Variants in ANO6 observed in about 807,000 individuals in gnomAD.
ANO6 encodes the protein anoctamin 6.
In ANO6, 106 loss-of-function variants were observed where a neutral mutation model predicts 117.5. The ratio of observed to expected loss-of-function variants is 0.90; its 90% CI spans 0.77 to 1.06. ANO6 has a LOEUF of 1.06. ANO6 is among the 50% of genes least tolerant of loss of function. ANO6 has a pLI of 0.00. For missense variants in ANO6, 955 were observed against 1,121.1 expected, an observed-to-expected ratio of 0.85 and a Z score of 2.12; for synonymous variants, 367 against 385.1, an observed-to-expected ratio of 0.95 and a Z score of 0.55.
chr12:45,326,333 T>C (rs1040389842), intron 2 of ANO6, among the ~76,000 whole-genome samples: 3 of 152,226 alleles, frequency 2.0e-5, no homozygotes, highest in Admixed American at 2.0e-4. Flanking sequence ...CATTTACTTA[T>C]ATAAAACACA....
intron 2 of ANO6, among the ~76,000 whole-genome samples, chr12:45,319,575 C>G (rs185629846): frequency 7.2e-5 from 11 of 152,076 alleles, no homozygotes; most frequent in Admixed American, 7.2e-4. Flanking sequence ...GTCTAAAATT[C>G]TTTTTTTGTT....
intron 3 of ANO6, among the ~76,000 whole-genome samples, chr12:45,342,346 G>A (rs1941002968): frequency 6.6e-6 from 1 of 152,198 alleles, no homozygotes. Flanking sequence ...GAAATATTTT[G>A]TGTTTGGTAT....
chr12:45,272,198 TTTC>T (rs1938413905), intron 1 of ANO6, among the ~76,000 whole-genome samples: 2 of 151,898 alleles, frequency 1.3e-5, no homozygotes, highest in African/African-American at 4.8e-5. Flanking sequence ...TTTTTTTTCT[TTTC>T]TTTTTTTTTT....
chr12:45,284,020 C>T (rs891201963), intron 1 of ANO6, among the ~76,000 whole-genome samples: 8 of 152,140 alleles, frequency 5.3e-5, no homozygotes, highest in African/African-American at 1.9e-4. Flanking sequence ...AAAAGGCATA[C>T]AAATTTATTT....
At chr12:45,228,391 A>G (rs1012325410) in intron 1 of ANO6, 2 of 229,430 alleles carry the variant, frequency 8.7e-6, no homozygotes, top group Admixed American at 1.2e-4. Flanking sequence ...CTCCCGCCTC[A>G]GCCTCTCAAA....
intron 18 of ANO6, among the ~76,000 whole-genome samples, chr12:45,421,635 T>A (rs1943368393): frequency 6.6e-6 from 1 of 152,146 alleles, no homozygotes; most frequent in African/African-American, 2.4e-5. Context: ...ATAGAGAAAC[T>A]TCAAGAGGTC....
chr12:45,225,912 T>C (rs1274059143), intron 1 of ANO6, among the ~76,000 whole-genome samples: 1 of 152,238 alleles, frequency 6.6e-6, no homozygotes, highest in East Asian at 1.9e-4. Context: ...GCCAACGAAA[T>C]GTACTACTCA....
chr12:45,386,205 A>G (rs1353624178), intron 10 of ANO6, among the ~76,000 whole-genome samples: 1 of 152,138 alleles, frequency 6.6e-6, no homozygotes, highest in Non-Finnish European at 1.5e-5. Context: ...CCAGGGTGTG[A>G]TTACTACCCT....
At chr12:45,348,456 CAA>C in intron 5 of ANO6, 60 bp from the exon 6 acceptor site, 1 of 1,544,602 alleles carries the variant, frequency 6.5e-7, no homozygotes, top group East Asian at 2.3e-5. Context: ...CAGTAGTAAA[CAA>C]TGATTGGATT....
intron 12 of ANO6, among the ~76,000 whole-genome samples, chr12:45,395,686 C>A (rs1018858315): frequency 4.6e-5 from 7 of 152,176 alleles, no homozygotes; most frequent in Non-Finnish European, 8.8e-5. Flanking sequence ...GCTGGTTCAA[C>A]ATATGCAAAT....
Position 45,348,267 on chromosome 12 carries a change from C to T in ANO6, c.585C>T (p.Tyr195=). ...PFEKNRMNDF[Y]IVDRDAFFNP... Reference sequence around the variant, plus strand: ...AGAAGAACCGGATGAATGATTTTTACATAGTTGATAGAGATGCTTTCTTCA... The same window carrying T: ...AGAAGAACCGGATGAATGATTTTTATATAGTTGATAGAGATGCTTTCTTCA... The change falls in exon 5 of 20, where the codon TAC becomes TAT. Residue 195 remains tyrosine, a synonymous_variant. Transcript: ENST00000320560. The T allele has an allele frequency of 6.2e-7, 1 of 1,614,054 alleles. No homozygotes were observed. The highest frequency in any genetic ancestry group is 8.5e-7 in the Non-Finnish European group (1 of 1,179,976).
intron 1 of ANO6, among the ~76,000 whole-genome samples, chr12:45,245,058 G>T (rs1947804056): frequency 6.6e-6 from 1 of 152,114 alleles, no homozygotes; most frequent in Non-Finnish European, 1.5e-5. Context: ...GCTAAGAACT[G>T]CCCTCTCCGG....
intron 3 of ANO6, among the ~76,000 whole-genome samples, chr12:45,335,100 A>G (rs1343387354): frequency 3.3e-5 from 5 of 152,026 alleles, no homozygotes; most frequent in African/African-American, 9.7e-5. Context: ...GTTAATGGAA[A>G]ATTTATGTCC....
intron 1 of ANO6, among the ~76,000 whole-genome samples, chr12:45,282,051 C>T (rs1038679206): frequency 1.3e-5 from 2 of 149,134 alleles, no homozygotes; most frequent in Admixed American, 6.6e-5. Flanking sequence ...GTGGGGGATG[C>T]GGAAGGGAGG....
At chr12:45,339,213 A>C (rs1295619849) in intron 3 of ANO6, among the ~76,000 whole-genome samples, 1 of 152,132 alleles carries the variant, frequency 6.6e-6, no homozygotes, top group East Asian at 1.9e-4. Context: ...TTGTCCTATG[A>C]GAAGTCACCT....
chr12:45,266,644 A>C (rs1938224180), intron 1 of ANO6, among the ~76,000 whole-genome samples: 1 of 152,184 alleles, frequency 6.6e-6, no homozygotes, highest in African/African-American at 2.4e-5. Flanking sequence ...AAAACGTTAA[A>C]AAATTAGCTG....
chr12:45,261,178 G>A (rs1938019287), intron 1 of ANO6, among the ~76,000 whole-genome samples: 1 of 152,118 alleles, frequency 6.6e-6, no homozygotes, highest in Admixed American at 6.5e-5. Flanking sequence ...GCATGTGAAG[G>A]ACACAGAGAA....
At chr12:45,283,918 A>G (rs1250156186) in intron 1 of ANO6, among the ~76,000 whole-genome samples, 1 of 152,206 alleles carries the variant, frequency 6.6e-6, no homozygotes. Context: ...CCATAAGGAC[A>G]TGGTTTAGGG....
Position 45,430,942 on chromosome 12 carries a change from T to TATCA in ANO6, c.*1632_*1635dup, listed in dbSNP as rs562139790. On this transcript the variant is annotated 3_prime_UTR_variant, in exon 20 of 20. Coordinates refer to ENST00000320560, the MANE Select transcript of ANO6 (RefSeq NM_001025356.3). ...CTGTTAAACACCAGAGGAGCCAACC[T>TATCA]ATCAGAATCCCAGCAGCAAAGGAAA... The TATCA allele has an allele frequency of 2.0e-6, 2 of 985,440 alleles. No homozygotes were observed. The highest frequency in any genetic ancestry group is 9.4e-5 in the South Asian group (2 of 21,282). 61.0% of individuals were successfully genotyped at this position (985,440 alleles called of 1,614,324 possible).
Sources: allele counts gnomAD v4.1 joint callset (sites outside exome capture counted in the v4.1 genomes callset), GRCh38; gene constraint gnomAD v4.1.1; transcripts MANE v1.5; gene names NCBI Gene and HGNC (gene_info 2026-07-23, HGNC 2026-07-21).